The following FAM83G variants were observed in gnomAD, a reference collection of about 807,000 sequenced individuals.
The protein encoded by FAM83G is scaffolding CK1 anchoring protein G, also known as protein FAM83G.
A neutral mutation model predicts 61.5 loss-of-function variants in FAM83G; 38 were observed. That is an observed-to-expected ratio of 0.62 (90% CI 0.48 to 0.81). FAM83G has a LOEUF of 0.81. FAM83G is among the 30% of genes least tolerant of loss of function. The pLI, the probability that FAM83G is intolerant of heterozygous loss-of-function variation, is 0.00. For synonymous variants in FAM83G, 470 were observed against 476.1 expected (o/e 0.99, Z 0.17); for missense variants, 989 against 1,133.6 (o/e 0.87, Z 1.83).
Position 18,978,148 on chromosome 17 carries a change from C to G in FAM83G, c.1518G>C (p.Lys506Asn). Reference sequence around the variant, plus strand: ...CATCTGCCACAGGGACTGTCCGGGGCTTGGGCACGGGGGGCAATGGCTCAG... The same window carrying G: ...CATCTGCCACAGGGACTGTCCGGGGGTTGGGCACGGGGGGCAATGGCTCAG... ...GDPEPLPPVP[K>N]PRTVPVADVL... The change falls in exon 5 of 6, where the codon AAG (lysine) becomes AAC (asparagine). Residue 506 changes from lysine (K) to asparagine (N), a missense_variant. Physicochemically the swap from Lys to Asn is moderately conservative, Grantham distance 94 (BLOSUM62 0). This residue lies in a region of FAM83G where 574 missense variants were observed against 645.1 expected (regional missense o/e 0.89). Coordinates refer to ENST00000388995, the MANE Select transcript of FAM83G (RefSeq NM_001039999.3). 6.5e-6 allele frequency: 10 copies of G among 1,529,842 alleles called. No individual in the cohort carries two copies. Among genetic ancestry groups the G allele is most frequent in the Non-Finnish European group, 7.9e-6 (9 of 1,142,248 alleles). 94.8% of individuals were successfully genotyped at this position (1,529,842 alleles called of 1,614,324 possible).
chr17:18,977,737 T>C lies in FAM83G; in HGVS notation c.1929A>G (p.Pro643=). ...GGGCACTCAGCTGCCGGCGCGGTGG[T>C]GGGGTTGGCCCGTTGGCCACTTGCT... is the stretch of plus-strand genomic sequence containing the variant. ...HSEQVANGPT[P]PPRRQLSAPH... Residue 643 remains proline (P), a synonymous_variant, in exon 5 of 6, where the codon CCA becomes CCG. Transcript: ENST00000388995. 1 of 1,607,458 alleles carries C rather than the reference T, an allele frequency of 6.2e-7. No individual in the cohort carries two copies. Among genetic ancestry groups the C allele is most frequent in the Non-Finnish European group, 8.5e-7 (1 of 1,177,634 alleles).
rs2043570001 is a variant in FAM83G, at chr17:18,996,265, C to G, written c.522+7255G>C. ...CATTACCAGCAGACCCGCACTCCCTCCTCCAGCTGCAACCCCCTCCTCCAG... is the reference window on the plus strand; with the variant it reads ...CATTACCAGCAGACCCGCACTCCCTGCTCCAGCTGCAACCCCCTCCTCCAG... On this transcript the variant is annotated intron_variant, in intron 2 of 5. Transcript: ENST00000388995. The surrounding 1 kb of genome is among the most constrained non-coding windows in gnomAD (Gnocchi z 4.4). Among the ~76,000 whole-genome samples the G allele has an allele frequency of 6.6e-6, 1 of 152,154 alleles. No individual in the cohort carries two copies. Among genetic ancestry groups the G allele is most frequent in the Non-Finnish European group, 1.5e-5 (1 of 68,018 alleles).
rs748949766 is a variant in FAM83G, at chr17:18,978,697, C to T, written c.969G>A (p.Pro323=). ...KGIPMEKEPE[P]EPIVLPSVVP... Reference sequence around the variant, plus strand: ...CCACAGAGGGCAGCACAATAGGCTCCGGCTCCGGTTCCTTCTCCATAGGGA... The same window carrying T: ...CCACAGAGGGCAGCACAATAGGCTCTGGCTCCGGTTCCTTCTCCATAGGGA... The change falls in exon 5 of 6, where the codon CCG becomes CCA. Residue 323 remains proline, a synonymous_variant. Coordinates refer to ENST00000388995, the MANE Select transcript of FAM83G (RefSeq NM_001039999.3). 19 of 1,612,858 alleles carry T rather than the reference C, an allele frequency of 1.2e-5. No homozygotes were observed. The highest frequency in any genetic ancestry group is 2.2e-5 in the East Asian group (1 of 44,888).
rs2042821166 is a variant in FAM83G at position 18,970,735 on chromosome 17, G to A, written c.*624C>T. ...CGATGAGTGTCCAGAGGCCAACAGT[G>A]ACTCCTGCTGGGCCAGCGGGACACT... On this transcript the variant is annotated 3_prime_UTR_variant, in exon 6 of 6. Transcript: ENST00000388995. 2 of 475,402 alleles carry A rather than the reference G, an allele frequency of 4.2e-6. No homozygotes were observed. 29.4% of individuals were successfully genotyped at this position (475,402 alleles called of 1,614,324 possible).
rs113121074 is a variant in FAM83G, at chr17:18,975,439, C to T, written c.2082+2145G>A. Among the ~76,000 whole-genome samples, 661 of 152,326 alleles carry T rather than the reference C, an allele frequency of 4.3e-3. 3 individuals are homozygous for T. The highest frequency in any genetic ancestry group is 0.015 in the African/African-American group (629 of 41,560). The stretch of plus-strand genomic sequence containing the variant: ...ATGCGGTGGCTCACACCTGTAATCC[C>T]AGCACTTTGGGAGGCCGAGGCGGGC... On this transcript the variant is annotated intron_variant, in intron 5 of 5. Transcript: ENST00000388995.
chr17:19,002,069 G>A (rs759092432), intron 2 of FAM83G, among the ~76,000 whole-genome samples: 8 of 152,208 alleles, frequency 5.3e-5, no homozygotes, highest in Non-Finnish European at 1.0e-4. Context: ...CACAGCAGGT[G>A]TGGGGCGGGT....
intron 3 of FAM83G, among the ~76,000 whole-genome samples, chr17:18,980,033 T>A (rs989401932): frequency 3.9e-5 from 6 of 151,982 alleles, no homozygotes; most frequent in African/African-American, 1.2e-4. Flanking sequence ...TATGGTGGGG[T>A]CCTGAGCGGG....
intron 5 of FAM83G, among the ~76,000 whole-genome samples, chr17:18,974,740 G>A (rs1213318760): frequency 6.6e-6 from 1 of 152,240 alleles, no homozygotes; most frequent in Non-Finnish European, 1.5e-5. Flanking sequence ...TACACTAGCA[G>A]CCTCACTTAA....
At chr17:18,984,108 C>T (rs1455821092) in intron 3 of FAM83G, among the ~76,000 whole-genome samples, 3 of 151,920 alleles carry the variant, frequency 2.0e-5, no homozygotes, top group African/African-American at 7.3e-5. Context: ...TTTGGGAGGC[C>T]GAGGCGGGCG....
chr17:18,983,077 GA>G (rs1431863787), intron 3 of FAM83G, among the ~76,000 whole-genome samples: 1 of 152,236 alleles, frequency 6.6e-6, no homozygotes, highest in Non-Finnish European at 1.5e-5. Context: ...AGGAGGGATG[GA>G]CTGCCCAGGG....
chr17:18,993,999 A>C (rs1184848759), intron 2 of FAM83G, among the ~76,000 whole-genome samples: 1 of 152,126 alleles, frequency 6.6e-6, no homozygotes, highest in Non-Finnish European at 1.5e-5. Flanking sequence ...CCAGACCCAC[A>C]GCTCCCTCTG....
At position 18,971,015 on chromosome 17, in the gene FAM83G, T is replaced by C. The variant is rs1162721933; in HGVS notation, c.*344A>G. ...CTGTTCCACCCTGACCCCTCCAGCT[T>C]TTGACCAGATCGGTGGTTACGGGCA... On this transcript the variant is annotated 3_prime_UTR_variant, in exon 6 of 6. Coordinates refer to ENST00000388995, the MANE Select transcript of FAM83G (RefSeq NM_001039999.3). The surrounding 1 kb of genome is among the most constrained non-coding windows in gnomAD (Gnocchi z 5.5). The C allele has an allele frequency of 6.2e-7, 1 of 1,613,686 alleles. No individual in the cohort carries two copies. Among genetic ancestry groups the C allele is most frequent in the Non-Finnish European group, 8.5e-7 (1 of 1,180,004 alleles).
chr17:18,977,075 G>A, intron 5 of FAM83G: 1 of 1,566,998 alleles, frequency 6.4e-7, no homozygotes, highest in Non-Finnish European at 8.6e-7. Context: ...CAGAAGAAGA[G>A]GCAAAGGATA....
intron 2 of FAM83G, among the ~76,000 whole-genome samples, chr17:19,002,116 C>T (rs2043744703): frequency 6.7e-6 from 1 of 148,876 alleles, no homozygotes; most frequent in Non-Finnish European, 1.5e-5. Context: ...CCTTCCTCCT[C>T]CCCCTCCTCC....
chr17:18,994,683 G>A (rs976212112), intron 2 of FAM83G, among the ~76,000 whole-genome samples: 6 of 152,146 alleles, frequency 3.9e-5, no homozygotes, highest in African/African-American at 1.4e-4. Flanking sequence ...GGTCCTGCAG[G>A]GGGTGTCCTC....
chr17:18,972,446 C>G (rs563273966), intron 5 of FAM83G, among the ~76,000 whole-genome samples: 35 of 152,344 alleles, frequency 2.3e-4, no homozygotes, highest in Non-Finnish European at 4.6e-4. Context: ...AGGCCAGAGA[C>G]AGAGCTGGAT....
In FAM83G at chr17:18,977,605, G is replaced by C; in HGVS notation, c.2061C>G (p.Arg687=). ...CCACCTGTGCCTCCTTGTCTGTGGA[G>C]CGCTGGGCCTGCATCCTCTTCAACG... ...ADALKRMQAQ[R]STDKEAQGQQ... Residue 687 remains arginine (R), a synonymous_variant, in exon 5 of 6, where the codon CGC becomes CGG. Transcript: ENST00000388995. 1.2e-6 allele frequency: 2 copies of C among 1,609,052 alleles called. No homozygotes were observed. Among genetic ancestry groups the C allele is most frequent in the Non-Finnish European group, 1.7e-6 (2 of 1,179,888 alleles).
rs2043076838 is a variant in FAM83G at position 18,979,578 on chromosome 17, A to G, written c.786T>C (p.Asp262=). Reference sequence around the variant, plus strand: ...AGGAGCCGCACACAGCCCGGTCTCCATCCACAAACATGAACTTCTGGGCCA... The same window carrying G: ...AGGAGCCGCACACAGCCCGGTCTCCGTCCACAAACATGAACTTCTGGGCCA... The part of the protein sequence containing the change: ...GALAQKFMFV[D]GDRAVCGSYS... The change falls in exon 4 of 6, where the codon GAT becomes GAC. Residue 262 remains aspartate, a synonymous_variant. Transcript: ENST00000388995. 1.9e-6 allele frequency: 3 copies of G among 1,613,410 alleles called. No individual in the cohort carries two copies. The highest frequency in any genetic ancestry group is 2.5e-6 in the Non-Finnish European group (3 of 1,179,996).
chr17:19,003,038 G>A lies in FAM83G; in HGVS notation c.522+482C>T, dbSNP rs1448706968. On this transcript the variant is annotated intron_variant, in intron 2 of 5. Transcript: ENST00000388995. This position sits in a 1 kb window ranked among gnomAD's most constrained non-coding sequence, Gnocchi z 4.5. ...AGTTGCTCAGCACAGCTAGGAAACA[G>A]GCAGTGTTGAACAAGGACCTCCAGG... 1.3e-5 allele frequency among the ~76,000 whole-genome samples: 2 copies of A among 152,098 alleles called. No individual in the cohort carries two copies. The highest frequency in any genetic ancestry group is 2.9e-5 in the Non-Finnish European group (2 of 68,020).
Sources: allele counts gnomAD v4.1 joint callset (sites outside exome capture counted in the v4.1 genomes callset), GRCh38; gene constraint gnomAD v4.1.1; regional missense constraint gnomAD v4.1.1; non-coding constraint Gnocchi (gnomAD v3.1); transcripts MANE v1.5; gene names NCBI Gene and HGNC (gene_info 2026-07-23, HGNC 2026-07-21).